TMEM181: variants seen among roughly 807,000 people sequenced by gnomAD.
TMEM181 encodes the protein transmembrane protein 181.
Under a neutral mutation model 71.9 loss-of-function variants are expected in TMEM181, and 39 were observed. That is an observed-to-expected ratio of 0.54 (90% CI 0.42 to 0.71). The LOEUF (loss-of-function observed/expected upper bound fraction) is 0.71, where lower values mean the gene tolerates loss of function less well. TMEM181 is among the 30% of genes least tolerant of loss of function. The pLI, the probability that TMEM181 is intolerant of heterozygous loss-of-function variation, is 0.00. For missense variants in TMEM181, 595 were observed against 583.0 expected, an observed-to-expected ratio of 1.02 and a Z score of -0.21; for synonymous variants, 245 against 228.8, an observed-to-expected ratio of 1.07 and a Z score of -0.64.
At chr6:158,595,986 ATCTCGGC>A (rs1484317377) in intron 6 of TMEM181, among the ~76,000 whole-genome samples, 1 of 151,964 alleles carries the variant, frequency 6.6e-6, no homozygotes, top group African/African-American at 2.4e-5. Flanking sequence ...CAGTGGCGCG[ATCTCGGC>A]TCACTGCAAG....
intron 1 of TMEM181, among the ~76,000 whole-genome samples, chr6:158,545,983 G>T (rs1173288431): frequency 1.3e-5 from 2 of 152,208 alleles, no homozygotes; most frequent in Non-Finnish European, 2.9e-5. Flanking sequence ...ACTTAAAGAC[G>T]GAGTTTTGCT....
At chr6:158,549,228 C>T (rs576245618) in intron 1 of TMEM181, among the ~76,000 whole-genome samples, 79 of 148,290 alleles carry the variant, frequency 5.3e-4, no homozygotes, top group Non-Finnish European at 9.5e-4. Context: ...AGCAATTCTT[C>T]TGCCTCAGCC....
At chr6:158,562,503 A>G (rs891936638) in intron 1 of TMEM181, among the ~76,000 whole-genome samples, 1 of 149,100 alleles carries the variant, frequency 6.7e-6, no homozygotes, top group Non-Finnish European at 1.5e-5. Flanking sequence ...GCCATTTTTT[A>G]GTGTGTATTT....
intron 1 of TMEM181, among the ~76,000 whole-genome samples, chr6:158,568,522 A>G (rs1782639322): frequency 6.6e-6 from 1 of 152,162 alleles, no homozygotes; most frequent in Admixed American, 6.5e-5. Context: ...AGGGACCCCC[A>G]GGGACCCTCT....
intron 10 of TMEM181, among the ~76,000 whole-genome samples, chr6:158,614,519 G>A (rs965230029): frequency 6.6e-6 from 1 of 151,984 alleles, no homozygotes; most frequent in Non-Finnish European, 1.5e-5. Flanking sequence ...TAAGTTCTAG[G>A]GTACATGTGC....
intron 1 of TMEM181, among the ~76,000 whole-genome samples, chr6:158,561,319 G>A (rs1782159721): frequency 6.6e-6 from 1 of 152,208 alleles, no homozygotes; most frequent in Non-Finnish European, 1.5e-5. Context: ...AACTGGAATG[G>A]CATCAAATAT....
At chr6:158,544,219 T>TGTGTGTGTGTGTG (rs1781451705) in intron 1 of TMEM181, among the ~76,000 whole-genome samples, 4 of 64,606 alleles carry the variant, frequency 6.2e-5, no homozygotes, top group African/African-American at 2.9e-4. Flanking sequence ...GTGTGTGTGT[T>TGTGTGTGTGTGTG]GGGGTGAGGG....
rs1277464863 is a variant in TMEM181 at position 158,580,191 on chromosome 6, G to A, written c.113-749G>A. Reference sequence around the variant, plus strand: ...ACTAAAAATAAAAAATTAGCCGGGCGTGGTGGCGCATGCCTGTAATCCCAG... The same window carrying A: ...ACTAAAAATAAAAAATTAGCCGGGCATGGTGGCGCATGCCTGTAATCCCAG... On this transcript the variant is annotated intron_variant, in intron 2 of 16. Transcript: ENST00000684151. 3.3e-5 allele frequency among the ~76,000 whole-genome samples: 5 copies of A among 152,066 alleles called. No homozygotes were observed. In the East Asian group the frequency reaches 7.7e-4, roughly 23 times the overall value.
At chr6:158,571,992 GGTGA>G (rs1782879146) in intron 1 of TMEM181, among the ~76,000 whole-genome samples, 2 of 152,348 alleles carry the variant, frequency 1.3e-5, no homozygotes, top group African/African-American at 4.8e-5. Flanking sequence ...CATGTTTGTG[GGTGA>G]GTGTTTGCAC....
At chr6:158,581,357 T>G (rs796947421) in intron 3 of TMEM181, among the ~76,000 whole-genome samples, 3 of 152,366 alleles carry the variant, frequency 2.0e-5, no homozygotes, top group African/African-American at 7.2e-5. Context: ...TTGCCCAGGT[T>G]AAGAATTGGC....
At chr6:158,575,048 T>C in intron 2 of TMEM181, among the ~76,000 whole-genome samples, 1 of 152,218 alleles carries the variant, frequency 6.6e-6, no homozygotes, top group East Asian at 1.9e-4. Context: ...TTGGATGAGG[T>C]CCACCCACAT....
intron 13 of TMEM181, among the ~76,000 whole-genome samples, chr6:158,627,567 G>A (rs1290947704): frequency 8.6e-5 from 13 of 152,020 alleles, no homozygotes; most frequent in Admixed American, 8.5e-4. Context: ...CTGAGGAGGA[G>A]CCCTGAAAGC....
chr6:158,617,308 T>A (rs1301691741), intron 10 of TMEM181, among the ~76,000 whole-genome samples: 2 of 152,198 alleles, frequency 1.3e-5, no homozygotes, highest in African/African-American at 4.8e-5. Flanking sequence ...TAGTTTGTAT[T>A]TCTGTGGGTT....
At chr6:158,549,335 C>T (rs1419571586) in intron 1 of TMEM181, among the ~76,000 whole-genome samples, 3 of 152,184 alleles carry the variant, frequency 2.0e-5, no homozygotes, top group South Asian at 2.1e-4. Flanking sequence ...AGGCTGGTCT[C>T]GAACTCCTGA....
chr6:158,599,203 C>T (rs572023450), intron 6 of TMEM181, among the ~76,000 whole-genome samples: 7 of 152,344 alleles, frequency 4.6e-5, no homozygotes, highest in African/African-American at 1.7e-4. Context: ...TTATTTCGTG[C>T]TGCATGGGAA....
At chr6:158,589,845 A>G (rs1028616648) in intron 6 of TMEM181, 63 bp downstream of exon 6, 6 of 1,151,218 alleles carry the variant, frequency 5.2e-6, no homozygotes, top group South Asian at 1.3e-5. Context: ...TCTTTGTTCA[A>G]TGATTGAAAT....
intron 4 of TMEM181, 65 bp from the exon 5 acceptor site, chr6:158,585,239 A>G: frequency 6.7e-7 from 1 of 1,492,276 alleles, no homozygotes; most frequent in Non-Finnish European, 8.9e-7. Context: ...CAGAGCCAGG[A>G]AGGCACCTTT....
intron 1 of TMEM181, among the ~76,000 whole-genome samples, chr6:158,570,259 G>A (rs952454589): frequency 1.5e-4 from 23 of 149,534 alleles, no homozygotes; most frequent in African/African-American, 2.5e-4. Flanking sequence ...TTGAGATGGA[G>A]TCTTGCTCTG....
At chr6:158,624,648 G>C (rs1337361610) in intron 11 of TMEM181, among the ~76,000 whole-genome samples, 2 of 152,246 alleles carry the variant, frequency 1.3e-5, no homozygotes, top group Admixed American at 1.3e-4. Flanking sequence ...TCGTGTCACA[G>C]ATAAGAAAAC....
Sources: gnomAD v4.1 joint callset for allele counts (sites outside exome capture counted in the v4.1 genomes callset) on GRCh38, gnomAD v4.1.1 for gene constraint, MANE v1.5 for transcripts, NCBI Gene and HGNC (gene_info 2026-07-23, HGNC 2026-07-21) for gene names.